TBC1D22A: variants seen among roughly 807,000 people sequenced by gnomAD.
The protein encoded by TBC1D22A is TBC1 domain family member 22A, also known as putative GTPase activator.
In TBC1D22A, 38 loss-of-function variants were observed where a neutral mutation model predicts 60.2. The observed-to-expected ratio is 0.63, with a 90% confidence interval of 0.49 to 0.83. The LOEUF is 0.83. Among genes scored for constraint, TBC1D22A ranks in the 40% least tolerant of loss-of-function variants. The pLI is 0.00. For missense variants in TBC1D22A, 628 were observed against 701.0 expected, an observed-to-expected ratio of 0.90 and a Z score of 1.18; for synonymous variants, 302 against 281.7, an observed-to-expected ratio of 1.07 and a Z score of -0.72.
chr22:46,891,880 G>T (rs2068427498), intron 6 of TBC1D22A, among the ~76,000 whole-genome samples: 1 of 152,192 alleles, frequency 6.6e-6, no homozygotes, highest in Non-Finnish European at 1.5e-5. Flanking sequence ...GTTTGGTTTT[G>T]CAGGGGACAC....
In TBC1D22A at chr22:46,776,370, G is replaced by A. The variant is rs1007849808; in HGVS notation, c.62+13522G>A. On this transcript the variant is annotated intron_variant, in intron 1 of 12. Transcript: ENST00000337137. Reference sequence around the variant, plus strand: ...GTGGCTGTATGGTGGGATGGTGTGCGTGGAAGCAGTGGGCATAGTTGTGGC... The same window carrying A: ...GTGGCTGTATGGTGGGATGGTGTGCATGGAAGCAGTGGGCATAGTTGTGGC... 3.6e-4 allele frequency among the ~76,000 whole-genome samples: 53 copies of A among 147,964 alleles called. 1 individual carries two copies. Among genetic ancestry groups the A allele is most frequent in the Non-Finnish European group, 4.5e-5 (3 of 66,872 alleles).
intron 11 of TBC1D22A, among the ~76,000 whole-genome samples, chr22:47,085,487 A>G (rs1385696878): frequency 6.6e-6 from 1 of 152,130 alleles, no homozygotes; most frequent in Non-Finnish European, 1.5e-5. Context: ...AGCATTTATT[A>G]TTAGGCATGG....
intron 12 of TBC1D22A, among the ~76,000 whole-genome samples, chr22:47,140,791 G>A (rs1206669961): frequency 6.6e-6 from 1 of 152,148 alleles, no homozygotes; most frequent in Non-Finnish European, 1.5e-5. Context: ...CAGCCTGTGA[G>A]CATTCCCCAT....
intron 8 of TBC1D22A, among the ~76,000 whole-genome samples, chr22:46,948,944 A>G (rs893843308): frequency 6.6e-6 from 1 of 152,230 alleles, no homozygotes; most frequent in African/African-American, 2.4e-5. Flanking sequence ...CCACACAGGT[A>G]GATCAGCCTG....
At position 47,171,094 on chromosome 22, in the gene TBC1D22A, A is replaced by G. The variant is rs559789490; in HGVS notation, c.1426-2404A>G. Among the ~76,000 whole-genome samples the G allele has an allele frequency of 5.9e-5, 9 of 152,212 alleles. No individual in the cohort carries two copies. The East Asian group carries it at 1.4e-3, about 23-fold the overall frequency. On this transcript the variant is annotated intron_variant, in intron 12 of 12. Coordinates refer to ENST00000337137, the MANE Select transcript of TBC1D22A (RefSeq NM_014346.5). ...AGCTCAGCTCATCCTGGCTGTGCCT[A>G]TGTGGAGAGCCTGCCATCCTTATCT...
chr22:46,890,832 G>T (rs1029875832), intron 5 of TBC1D22A, among the ~76,000 whole-genome samples: 9 of 152,180 alleles, frequency 5.9e-5, no homozygotes, highest in Non-Finnish European at 2.9e-5. Flanking sequence ...GTATATGTGT[G>T]TGTGTGCGTG....
intron 11 of TBC1D22A, among the ~76,000 whole-genome samples, chr22:47,074,453 C>A (rs1326504707): frequency 1.3e-5 from 2 of 152,188 alleles, no homozygotes; most frequent in Admixed American, 6.5e-5. Flanking sequence ...CTGTCTTAAC[C>A]CATCCCAGGC....
chr22:47,049,805 C>T (rs557251036), intron 11 of TBC1D22A, among the ~76,000 whole-genome samples: 32 of 152,302 alleles, frequency 2.1e-4, no homozygotes, highest in Middle Eastern at 3.4e-3. Flanking sequence ...CGTGATTTTT[C>T]AGTGTATTTG....
In TBC1D22A at chr22:46,966,329, C is replaced by G. The variant is rs1337619376; in HGVS notation, c.1016-7961C>G. 3.9e-5 allele frequency among the ~76,000 whole-genome samples: 6 copies of G among 152,268 alleles called. No individual in the cohort carries two copies. In the South Asian group the frequency reaches 1.2e-3, roughly 32 times the overall value. ...CACAGCACGGCTGTGTGAGCTGCGT[C>G]CCTCTGTAACAGACGGTCGAAAGCA... On this transcript the variant is annotated intron_variant, in intron 8 of 12. Coordinates refer to ENST00000337137, the MANE Select transcript of TBC1D22A (RefSeq NM_014346.5).
At chr22:47,104,902 C>T (rs948676157) in intron 11 of TBC1D22A, among the ~76,000 whole-genome samples, 4 of 151,654 alleles carry the variant, frequency 2.6e-5, no homozygotes, top group African/African-American at 9.7e-5. Context: ...GGGAACAACC[C>T]CCCGACCGTT....
intron 12 of TBC1D22A, among the ~76,000 whole-genome samples, chr22:47,166,391 A>G (rs533141706): frequency 6.6e-5 from 10 of 152,244 alleles, no homozygotes; most frequent in Non-Finnish European, 1.0e-4. Context: ...ATATTTAACC[A>G]ACACCCAAAA....
chr22:47,138,668 G>A (rs1411578738), intron 12 of TBC1D22A, among the ~76,000 whole-genome samples: 2 of 152,204 alleles, frequency 1.3e-5, no homozygotes, highest in Non-Finnish European at 2.9e-5. Context: ...TAGTCTCTCC[G>A]GGCTGGTATA....
chr22:47,086,596 TCTC>T (rs966053587), intron 11 of TBC1D22A, among the ~76,000 whole-genome samples: 5 of 152,188 alleles, frequency 3.3e-5, no homozygotes, highest in African/African-American at 1.2e-4. Context: ...AATAAAGTGT[TCTC>T]CTCCCCCTAT....
intron 8 of TBC1D22A, among the ~76,000 whole-genome samples, chr22:46,962,440 A>G (rs186550264): frequency 6.6e-6 from 1 of 152,326 alleles, no homozygotes; most frequent in East Asian, 1.9e-4. Flanking sequence ...TCTTTCACAT[A>G]TTTTACCAAT....
At chr22:46,820,392 A>T (rs2085776462) in intron 4 of TBC1D22A, among the ~76,000 whole-genome samples, 1 of 152,146 alleles carries the variant, frequency 6.6e-6, no homozygotes, top group Non-Finnish European at 1.5e-5. Context: ...TTTCCCTCTT[A>T]ACACTGCTCT....
chr22:46,948,966 G>A (rs1569260306), intron 8 of TBC1D22A, among the ~76,000 whole-genome samples: 1 of 152,200 alleles, frequency 6.6e-6, no homozygotes, highest in Non-Finnish European at 1.5e-5. Flanking sequence ...TTCCAGGCAC[G>A]GGAGTTCTGT....
At chr22:47,143,731 G>A (rs529667398) in intron 12 of TBC1D22A, among the ~76,000 whole-genome samples, 1 of 152,226 alleles carries the variant, frequency 6.6e-6, no homozygotes. Flanking sequence ...TGCATCGCGT[G>A]TACCCAGCTG....
rs187606083 is a variant in TBC1D22A, at chr22:47,010,710, C to G, written c.1201+13001C>G. Among the ~76,000 whole-genome samples the G allele has an allele frequency of 1.2e-3, 180 of 152,280 alleles. 1 individual carries two copies. Among genetic ancestry groups the G allele is most frequent in the African/African-American group, 4.1e-3 (172 of 41,558 alleles). On this transcript the variant is annotated intron_variant, in intron 10 of 12. Coordinates refer to ENST00000337137, the MANE Select transcript of TBC1D22A (RefSeq NM_014346.5). Reference sequence around the variant, plus strand: ...AGGCTACCCCAGGCAGGAATTTGCTCTCTTGTTGGATGGATGTCCTGAGTT... The same window carrying G: ...AGGCTACCCCAGGCAGGAATTTGCTGTCTTGTTGGATGGATGTCCTGAGTT...
In TBC1D22A at chr22:46,797,602, G is replaced by C; in HGVS notation, c.619G>C (p.Gly207Arg). Residue 207 changes from glycine to arginine, a missense_variant, in exon 4 of 13, where the codon GGC becomes CGC. By Grantham distance (125) the Gly-to-Arg change is moderately radical (BLOSUM62 -2). Transcript: ENST00000337137. ...CGACAAGTTCAAGCAGCTGCTTGCC[G>C]GCCCCAACACGGACCTTGGTAAGCA... ...RLDKFKQLLA[G>R]PNTDLEELRR... The C allele has an allele frequency of 1.2e-6, 2 of 1,608,436 alleles. No individual in the cohort carries two copies. The highest frequency in any genetic ancestry group is 1.7e-6 in the Non-Finnish European group (2 of 1,176,176).
Sources: gnomAD v4.1 joint callset for allele counts (sites outside exome capture counted in the v4.1 genomes callset) on GRCh38, gnomAD v4.1.1 for gene constraint, MANE v1.5 for transcripts, NCBI Gene and HGNC (gene_info 2026-07-23, HGNC 2026-07-21) for gene names.